EPB41L3: variants seen among roughly 807,000 people sequenced by gnomAD.
EPB41L3 encodes the protein band 4.1-like protein 3.
In EPB41L3, 57 loss-of-function variants were observed where a neutral mutation model predicts 127.1. The observed-to-expected ratio is 0.45, with a 90% CI of 0.36 to 0.56. The LOEUF (loss-of-function observed/expected upper bound fraction) is 0.56. Among genes scored for constraint, EPB41L3 ranks in the 20% least tolerant of loss-of-function variants. EPB41L3 has a pLI of 0.00. For missense variants in EPB41L3, 1,273 were observed against 1,372.2 expected (o/e 0.93, Z 1.14); for synonymous variants, 572 against 549.5 (o/e 1.04, Z -0.57).
intron 1 of EPB41L3, among the ~76,000 whole-genome samples, chr18:5,493,970 A>G (rs757586811): frequency 6.6e-6 from 1 of 151,956 alleles, no homozygotes; most frequent in Non-Finnish European, 1.5e-5. Context: ...TCTATTTCTA[A>G]ACTTCACAAT....
intron 2 of EPB41L3, among the ~76,000 whole-genome samples, chr18:5,480,311 T>G (rs536081117): frequency 7.9e-5 from 12 of 152,298 alleles, no homozygotes; most frequent in African/African-American, 1.9e-4. Context: ...AATAGCAGAC[T>G]AAGTACCTCA....
At chr18:5,490,466 T>G (rs1187546358) in intron 1 of EPB41L3, among the ~76,000 whole-genome samples, 1 of 152,186 alleles carries the variant, frequency 6.6e-6, no homozygotes, top group Non-Finnish European at 1.5e-5. Context: ...AATACCAATC[T>G]AGGTTATAAA....
chr18:5,484,243 CCAA>C (rs2089294219), intron 2 of EPB41L3, among the ~76,000 whole-genome samples: 1 of 149,916 alleles, frequency 6.7e-6, no homozygotes. Flanking sequence ...CCCTGAATGA[CCAA>C]CGAGTCAGTG....
upstream of EPB41L3, chr18:5,630,387 G>A (rs776695983): frequency 1.9e-5 from 10 of 518,576 alleles, no homozygotes; most frequent in African/African-American, 1.7e-4. Flanking sequence ...CTGAGTCACC[G>A]AAGCCTTCCT....
At chr18:5,540,662 C>G in intron 1 of EPB41L3, 3 of 525,838 alleles carry the variant, frequency 5.7e-6, no homozygotes, top group Non-Finnish European at 7.3e-6. Context: ...AAGGATCTCT[C>G]TAACTGAAGT....
At position 5,431,217 on chromosome 18, in the gene EPB41L3, G is replaced by A. The variant is rs1188456343; in HGVS notation, c.912+2252C>T. 2.0e-5 allele frequency: 3 copies of A among 152,172 alleles called. 1 individual carries two copies. Among genetic ancestry groups the A allele is most frequent in the Non-Finnish European group, 4.4e-5 (3 of 68,032 alleles). The allele number at this position is 152,172 out of a possible 1,614,324, so 9.4% of individuals were successfully genotyped here. A position where few individuals can be genotyped will look rare whatever the true frequency, so the allele number is the denominator to read the frequency against. On this transcript the variant is annotated intron_variant, in intron 8 of 22. Coordinates refer to ENST00000341928, the MANE Select transcript of EPB41L3 (RefSeq NM_012307.5). ...GTTTTCCAAAACATAGGACCTTTGT[G>A]TAATATGGGTATTTATTCTTCATAC...
chr18:5,488,545 C>T lies in EPB41L3; in HGVS notation c.183+456G>A, dbSNP rs77702390. On this transcript the variant is annotated intron_variant, in intron 2 of 22. Coordinates refer to ENST00000341928, the MANE Select transcript of EPB41L3 (RefSeq NM_012307.5). Reference sequence around the variant, plus strand: ...AACCTGCACGTTCTGCACATGTGTCCCAGAGCTTAAAGTATAATAATAATG... The same window carrying T: ...AACCTGCACGTTCTGCACATGTGTCTCAGAGCTTAAAGTATAATAATAATG... Among the ~76,000 whole-genome samples, 4 of 149,610 alleles carry T rather than the reference C, an allele frequency of 2.7e-5. No homozygotes were observed. The East Asian group carries it at 6.2e-4, about 23-fold the overall frequency.
At chr18:5,417,975 A>G (rs1427313037) in intron 12 of EPB41L3, among the ~76,000 whole-genome samples, 7 of 152,242 alleles carry the variant, frequency 4.6e-5, no homozygotes, top group African/African-American at 1.7e-4. Context: ...CTAGGGGACC[A>G]GCCTTTCAAG....
chr18:5,541,692 T>C (rs1232231809), intron 1 of EPB41L3, among the ~76,000 whole-genome samples: 2 of 152,220 alleles, frequency 1.3e-5, no homozygotes, highest in African/African-American at 2.4e-5. Flanking sequence ...GTCCAAGCAG[T>C]GTACATGAAC....
chr18:5,413,515 C>T (rs971200326), intron 13 of EPB41L3, among the ~76,000 whole-genome samples: 4 of 152,160 alleles, frequency 2.6e-5, no homozygotes, highest in African/African-American at 4.8e-5. Flanking sequence ...CTTGGCAAAA[C>T]GAAAGTGACA....
chr18:5,516,572 C>G (rs1341370225), intron 1 of EPB41L3, among the ~76,000 whole-genome samples: 1 of 152,234 alleles, frequency 6.6e-6, no homozygotes, highest in African/African-American at 2.4e-5. Context: ...CCACTGTGAA[C>G]TTCCAGCATT....
At chr18:5,527,589 G>A (rs1332551323) in intron 1 of EPB41L3, among the ~76,000 whole-genome samples, 1 of 152,178 alleles carries the variant, frequency 6.6e-6, no homozygotes, top group East Asian at 1.9e-4. Context: ...TCTGGTTGAG[G>A]GAGAAACACG....
chr18:5,545,989 G>A (rs1376634072), upstream of EPB41L3, among the ~76,000 whole-genome samples: 1 of 152,076 alleles, frequency 6.6e-6, no homozygotes, highest in East Asian at 1.9e-4. Context: ...GCACTCCATT[G>A]AAAGTGGACT....
chr18:5,587,217 C>T (rs1485827538), intron 3 of EPB41L3, among the ~76,000 whole-genome samples: 1 of 151,994 alleles, frequency 6.6e-6, no homozygotes, highest in South Asian at 2.1e-4. Context: ...TGACCGTGGG[C>T]GTTAGACAGC....
intron 1 of EPB41L3, among the ~76,000 whole-genome samples, chr18:5,492,207 C>CTAG (rs1307366745): frequency 6.6e-6 from 1 of 152,036 alleles, no homozygotes; most frequent in African/African-American, 2.4e-5. Flanking sequence ...GTAATCCTAG[C>CTAG]TACTAGGAAG....
upstream of EPB41L3, among the ~76,000 whole-genome samples, chr18:5,629,159 C>T (rs2094958553): frequency 1.3e-5 from 2 of 152,162 alleles, no homozygotes; most frequent in South Asian, 4.1e-4. Flanking sequence ...GAAAAACAGC[C>T]TCATTCGCCT....
intron 1 of EPB41L3, among the ~76,000 whole-genome samples, chr18:5,615,718 G>A (rs545882863): frequency 6.6e-6 from 1 of 152,204 alleles, no homozygotes; most frequent in South Asian, 2.1e-4. Flanking sequence ...TTTTTCTTCT[G>A]TCACAATAAG....
chr18:5,506,708 G>A (rs2092230850), intron 1 of EPB41L3, among the ~76,000 whole-genome samples: 1 of 152,090 alleles, frequency 6.6e-6, no homozygotes, highest in Admixed American at 6.5e-5. Context: ...AATAGTGCAT[G>A]GCATGTAGTG....
intron 22 of EPB41L3, chr18:5,394,232 T>G (rs2072932683): frequency 6.5e-6 from 1 of 154,712 alleles, no homozygotes; most frequent in African/African-American, 2.4e-5. Context: ...TACGACGGGA[T>G]AATGTTGCCA....
Sources: allele counts gnomAD v4.1 joint callset (sites outside exome capture counted in the v4.1 genomes callset), GRCh38; gene constraint gnomAD v4.1.1; transcripts MANE v1.5; gene names NCBI Gene and HGNC (gene_info 2026-07-23, HGNC 2026-07-21).